COP1: variants seen among roughly 807,000 people sequenced by gnomAD.
The protein encoded by COP1 is COP1 E3 ubiquitin ligase.
Under a neutral mutation model 101.3 loss-of-function variants are expected in COP1, and 24 were observed. The observed-to-expected ratio is 0.24, with a 90% CI of 0.17 to 0.33. The LOEUF is 0.33. COP1 is among the 10% of genes least tolerant of loss of function. The pLI is 1.00. For synonymous variants in COP1, 347 were observed against 341.9 expected, an observed-to-expected ratio of 1.01 and a Z score of -0.17; for missense variants, 663 against 906.2, an observed-to-expected ratio of 0.73 and a Z score of 3.45.
At chr1:176,126,741 T>C (rs1244694588) in intron 8 of COP1, among the ~76,000 whole-genome samples, 1 of 152,148 alleles carries the variant, frequency 6.6e-6, no homozygotes, top group Non-Finnish European at 1.5e-5. Flanking sequence ...CATGAGCCAC[T>C]GCACCTGGCC....
chr1:176,068,300 G>T (rs909781452), intron 11 of COP1, among the ~76,000 whole-genome samples: 2 of 151,252 alleles, frequency 1.3e-5, no homozygotes, highest in East Asian at 1.9e-4. Context: ...TAAGACAATG[G>T]TTCTCAAAGT....
At position 175,960,280 on chromosome 1, in the gene COP1, G is replaced by A. The variant is rs138742788; in HGVS notation, c.2134-13041C>T. 2.6e-3 allele frequency among the ~76,000 whole-genome samples: 398 copies of A among 152,272 alleles called. 3 individuals carry two copies. Among genetic ancestry groups the A allele is most frequent in the African/African-American group, 9.1e-3 (380 of 41,552 alleles). ...TCAATTCAAAGCTCTAACGCTTCTA[G>A]ACTTTTCATTATGGGCAAGTTACTT... On this transcript the variant is annotated intron_variant, in intron 18 of 19. Transcript: ENST00000367669.
Position 176,078,290 on chromosome 1 carries a change from C to A in COP1, c.1277+2862G>T, listed in dbSNP as rs374968100. Among the ~76,000 whole-genome samples, 398 of 152,066 alleles carry A rather than the reference C, an allele frequency of 2.6e-3. 3 individuals carry two copies. The highest frequency in any genetic ancestry group is 9.2e-3 in the African/African-American group (380 of 41,484). ...CAAAACAGTATGGCACTGGTAGGTA[C>A]AAAAACAGACATAAGACCAATGGAA... On this transcript the variant is annotated intron_variant, in intron 11 of 19. Coordinates refer to ENST00000367669, the MANE Select transcript of COP1 (RefSeq NM_022457.7).
At chr1:176,120,352 G>A (rs538208121) in intron 8 of COP1, among the ~76,000 whole-genome samples, 3 of 150,968 alleles carry the variant, frequency 2.0e-5, no homozygotes, top group South Asian at 2.1e-4. Context: ...CCCAGGAGGC[G>A]GAGGTTGCAG....
chr1:176,101,104 C>A (rs1683319081), intron 9 of COP1, among the ~76,000 whole-genome samples: 1 of 152,146 alleles, frequency 6.6e-6, no homozygotes, highest in Non-Finnish European at 1.5e-5. Context: ...CAGCAGGGGA[C>A]ATAAGGTGTA....
chr1:176,089,293 A>AAACAACAAC (rs1428198512), intron 9 of COP1, among the ~76,000 whole-genome samples: 2 of 49,758 alleles, frequency 4.0e-5, no homozygotes, highest in East Asian at 1.1e-3. Flanking sequence ...ACTCTGTCTA[A>AAACAACAAC]AACAATAACA....
At chr1:176,130,121 A>C (rs1210327886) in intron 8 of COP1, among the ~76,000 whole-genome samples, 1 of 151,750 alleles carries the variant, frequency 6.6e-6, no homozygotes, top group Non-Finnish European at 1.5e-5. Flanking sequence ...ACCTGGTCTA[A>C]GTATGTTTCA....
At chr1:176,114,555 C>G (rs935005182) in intron 9 of COP1, among the ~76,000 whole-genome samples, 5 of 146,388 alleles carry the variant, frequency 3.4e-5, no homozygotes, top group African/African-American at 1.3e-4. Context: ...TTTTGTTTTA[C>G]TATAAAGGAT....
chr1:176,090,824 A>G (rs1558088164), intron 9 of COP1, among the ~76,000 whole-genome samples: 1 of 152,240 alleles, frequency 6.6e-6, no homozygotes, highest in Non-Finnish European at 1.5e-5. Context: ...AAACTAAAGA[A>G]GAAATATTGG....
chr1:175,988,319 G>A lies in COP1; in HGVS notation c.1941C>T (p.Gly647=), dbSNP rs1657598014. 2.5e-6 allele frequency: 4 copies of A among 1,611,972 alleles called. No individual in the cohort carries two copies. Among genetic ancestry groups the A allele is most frequent in the South Asian group, 1.1e-5 (1 of 90,928 alleles). Residue 647 remains glycine (G), a synonymous_variant, in exon 17 of 20, where the codon GGC becomes GGT. Transcript: ENST00000367669. ...KGHINEKNFV[G]LASNGDYIAC... ...CTATATAATCTCCATTGGAAGCCAG[G>A]CCTACAAAGTTTTTTTCATTGATAT...
intron 18 of COP1, among the ~76,000 whole-genome samples, chr1:175,951,979 C>T (rs1361911307): frequency 1.3e-5 from 2 of 152,170 alleles, no homozygotes; most frequent in South Asian, 2.1e-4. Context: ...CACATCAAGG[C>T]ACACCACAGT....
intron 3 of COP1, among the ~76,000 whole-genome samples, chr1:176,173,615 G>GT (rs1696446718): frequency 6.6e-6 from 1 of 150,832 alleles, no homozygotes; most frequent in Non-Finnish European, 1.5e-5. Context: ...ACTCCAGCGG[G>GT]TAACAGAGTG....
intron 14 of COP1, among the ~76,000 whole-genome samples, chr1:176,028,204 C>T (rs1389797900): frequency 6.6e-6 from 1 of 152,012 alleles, no homozygotes; most frequent in Non-Finnish European, 1.5e-5. Flanking sequence ...CAAACCATAT[C>T]ACTGAATGAC....
At position 176,102,612 on chromosome 1, in the gene COP1, C is replaced by T. The variant is rs757009604; in HGVS notation, c.1026+14012G>A. On this transcript the variant is annotated intron_variant, in intron 9 of 19. Coordinates refer to ENST00000367669, the MANE Select transcript of COP1 (RefSeq NM_022457.7). The stretch of plus-strand genomic sequence containing the variant: ...ACAGCTTAAAAAACATGAAAACAGC[C>T]CTTTCCTTTCCCAAAACAAACCTCC... Among the ~76,000 whole-genome samples, 70 of 152,238 alleles carry T rather than the reference C, an allele frequency of 4.6e-4. 1 individual carries two copies. The highest frequency in any genetic ancestry group is 8.2e-4 in the Non-Finnish European group (56 of 68,020).
chr1:176,010,083 T>C (rs1433389998), intron 15 of COP1, among the ~76,000 whole-genome samples: 1 of 152,122 alleles, frequency 6.6e-6, no homozygotes, highest in Non-Finnish European at 1.5e-5. Context: ...ATGAATAACC[T>C]TGTACCACTT....
At chr1:176,184,918 A>C (rs1245766886) in intron 1 of COP1, among the ~76,000 whole-genome samples, 2 of 152,188 alleles carry the variant, frequency 1.3e-5, no homozygotes, top group African/African-American at 4.8e-5. Context: ...ACTGAGCTTC[A>C]AAATGAAGTC....
intron 18 of COP1, among the ~76,000 whole-genome samples, chr1:175,955,075 C>T (rs547430957): frequency 2.0e-5 from 3 of 151,968 alleles, no homozygotes; most frequent in African/African-American, 7.2e-5. Flanking sequence ...TGGCGAAACC[C>T]TCTCTATCAA....
intron 11 of COP1, 22 bp downstream of exon 11, chr1:176,081,130 T>C (rs78897181): frequency 8.4e-6 from 13 of 1,555,244 alleles, no homozygotes; most frequent in African/African-American, 2.8e-5. Context: ...CAAAAGAAAA[T>C]AGTAATTTGA....
intron 3 of COP1, among the ~76,000 whole-genome samples, chr1:176,172,315 T>G (rs546891855): frequency 1.3e-5 from 2 of 152,354 alleles, no homozygotes; most frequent in East Asian, 3.9e-4. Context: ...GTGTTAGGAT[T>G]ATAGGTTTGA....
Sources: allele counts gnomAD v4.1 joint callset (sites outside exome capture counted in the v4.1 genomes callset), GRCh38; gene constraint gnomAD v4.1.1; transcripts MANE v1.5; gene names NCBI Gene and HGNC (gene_info 2026-07-23, HGNC 2026-07-21).